PCGF5: variants seen among roughly 807,000 people sequenced by gnomAD.
PCGF5 encodes polycomb group RING finger protein 5.
In PCGF5, 9 loss-of-function variants were observed where a neutral mutation model predicts 44.3. That is an observed-to-expected ratio of 0.20 (90% CI 0.12 to 0.35). PCGF5 has a LOEUF of 0.35. PCGF5 is among the 10% of genes least tolerant of loss of function. The pLI is 1.00. For synonymous variants in PCGF5, 95 were observed against 102.5 expected (o/e 0.93, Z 0.44); for missense variants, 146 against 305.3 (o/e 0.48, Z 3.89).
At chr10:91,207,777 A>C (rs1013648456) in intron 1 of PCGF5, among the ~76,000 whole-genome samples, 1 of 152,158 alleles carries the variant, frequency 6.6e-6, no homozygotes, top group Non-Finnish European at 1.5e-5. Flanking sequence ...CTCAATGTGG[A>C]CTTATTTTAT....
At chr10:91,175,674 C>T (rs1463401950) in intron 1 of PCGF5, among the ~76,000 whole-genome samples, 1 of 152,154 alleles carries the variant, frequency 6.6e-6, no homozygotes, top group Non-Finnish European at 1.5e-5. Flanking sequence ...ATAAAAAAAT[C>T]ACAGAAAGCA....
chr10:91,213,348 A>G (rs1272659820), intron 1 of PCGF5, among the ~76,000 whole-genome samples: 1 of 152,234 alleles, frequency 6.6e-6, no homozygotes, highest in African/African-American at 2.4e-5. Flanking sequence ...ATGTATTTGT[A>G]TATACGTATG....
At chr10:91,275,688 C>T (rs1181928947) in intron 9 of PCGF5, among the ~76,000 whole-genome samples, 9 of 150,014 alleles carry the variant, frequency 6.0e-5, no homozygotes, top group Non-Finnish European at 5.9e-5. Context: ...CTCTTGACCT[C>T]GTGATCTGCC....
intron 9 of PCGF5, among the ~76,000 whole-genome samples, chr10:91,272,274 T>C (rs1317017187): frequency 1.3e-5 from 2 of 152,216 alleles, no homozygotes; most frequent in East Asian, 3.8e-4. Flanking sequence ...AAGGGTATAG[T>C]AAAGATTATT....
intron 2 of PCGF5, among the ~76,000 whole-genome samples, chr10:91,234,959 C>G (rs1307713511): frequency 6.6e-6 from 1 of 152,096 alleles, no homozygotes; most frequent in Non-Finnish European, 1.5e-5. Context: ...ATCACAAATT[C>G]TTTAATTATT....
intron 1 of PCGF5, among the ~76,000 whole-genome samples, chr10:91,176,509 C>T (rs1843710427): frequency 6.6e-6 from 1 of 152,182 alleles, no homozygotes; most frequent in Admixed American, 6.5e-5. Context: ...AGAGTGTTTT[C>T]CAACTTGGTT....
intron 3 of PCGF5, among the ~76,000 whole-genome samples, chr10:91,244,198 T>C (rs1845402537): frequency 6.6e-6 from 1 of 151,858 alleles, no homozygotes; most frequent in Non-Finnish European, 1.5e-5. Flanking sequence ...TGGGGGCAGA[T>C]TGCAATTTTA....
intron 1 of PCGF5, among the ~76,000 whole-genome samples, chr10:91,196,046 C>G (rs566027649): frequency 1.3e-5 from 2 of 151,294 alleles, no homozygotes; most frequent in South Asian, 4.2e-4. Context: ...TCTCGCATCC[C>G]CTACTGGTCA....
chr10:91,217,343 C>G (rs1344382322), upstream of PCGF5, among the ~76,000 whole-genome samples: 1 of 152,188 alleles, frequency 6.6e-6, no homozygotes, highest in African/African-American at 2.4e-5. Flanking sequence ...AAAAATTCAC[C>G]TTATTTAATA....
At chr10:91,215,396 A>T (rs1844522682), upstream of PCGF5, among the ~76,000 whole-genome samples, 1 of 152,242 alleles carries the variant, frequency 6.6e-6, no homozygotes, top group Non-Finnish European at 1.5e-5. Context: ...TATAATAGTC[A>T]TCCAAAAAGC....
intron 5 of PCGF5, among the ~76,000 whole-genome samples, chr10:91,249,153 A>G (rs1330218776): frequency 1.3e-5 from 2 of 151,912 alleles, no homozygotes; most frequent in East Asian, 1.9e-4. Flanking sequence ...AGATTTTACT[A>G]TGCTCTGATA....
upstream of PCGF5, chr10:91,162,927 G>T (rs1163535661): frequency 6.9e-6 from 1 of 144,894 alleles, no homozygotes; most frequent in Non-Finnish European, 1.5e-5. Context: ...CCCGCCCGCC[G>T]GGCCGGCCCA....
intron 1 of PCGF5, among the ~76,000 whole-genome samples, chr10:91,186,244 ACT>A (rs1281472425): frequency 6.6e-6 from 1 of 152,070 alleles, no homozygotes; most frequent in East Asian, 1.9e-4. Flanking sequence ...TTTTGCCCCG[ACT>A]CTCACAGCTG....
chr10:91,217,886 A>G (rs1200391185), upstream of PCGF5, among the ~76,000 whole-genome samples: 1 of 152,150 alleles, frequency 6.6e-6, no homozygotes, highest in Non-Finnish European at 1.5e-5. Flanking sequence ...TCCCAAGTTC[A>G]AGTGATTCTC....
At chr10:91,278,180 T>C (rs1476334608) in intron 9 of PCGF5, 89 bp from the exon 10 acceptor site, 3 of 1,117,322 alleles carry the variant, frequency 2.7e-6, no homozygotes, top group Non-Finnish European at 4.0e-6. Context: ...CTGTAAATTA[T>C]AACTCCGAAT....
chr10:91,271,321 C>T (rs1273329362), intron 8 of PCGF5, among the ~76,000 whole-genome samples: 3 of 151,836 alleles, frequency 2.0e-5, no homozygotes, highest in East Asian at 3.9e-4. Flanking sequence ...GGATGTCCCT[C>T]GTGTATGCAA....
At position 91,270,274 on chromosome 10, in the gene PCGF5, C is replaced by T. The variant is rs553757377; in HGVS notation, c.664-1364C>T. 2.6e-5 allele frequency among the ~76,000 whole-genome samples: 4 copies of T among 152,154 alleles called. No homozygotes were observed. In the South Asian group the frequency reaches 8.3e-4, roughly 32 times the overall value. On this transcript the variant is annotated intron_variant, in intron 8 of 9. Transcript: ENST00000336126. The stretch of plus-strand genomic sequence containing the variant: ...CCAGCAACCTCTGCCAGTCCAGCAC[C>T]TAAAGTTACTACACCATGCTTGTCT...
rs75317642 is a variant in PCGF5 at position 91,193,468 on chromosome 10, G to A, written c.-183-29221G>A. On this transcript the variant is annotated intron_variant, in intron 1 of 9. Coordinates refer to the PCGF5 transcript ENST00000614189. Reference sequence around the variant, plus strand: ...GGGGTGGGACATTAAGCTGATAGTGGAGTAAGAATGTGTTCTAGACAGAGA... The same window carrying A: ...GGGGTGGGACATTAAGCTGATAGTGAAGTAAGAATGTGTTCTAGACAGAGA... Among the ~76,000 whole-genome samples the A allele has an allele frequency of 6.5e-3, 992 of 152,152 alleles. 8 individuals are homozygous for A. The highest frequency in any genetic ancestry group is 0.023 in the African/African-American group (952 of 41,500).
At chr10:91,256,437 G>A (rs927072995) in intron 6 of PCGF5, among the ~76,000 whole-genome samples, 1 of 151,980 alleles carries the variant, frequency 6.6e-6, no homozygotes, top group South Asian at 2.1e-4. Context: ...CAGGTCCTCA[G>A]AGAGCTGTAG....
Sources: allele counts gnomAD v4.1 joint callset (sites outside exome capture counted in the v4.1 genomes callset), GRCh38; gene constraint gnomAD v4.1.1; transcripts MANE v1.5; gene names NCBI Gene and HGNC (gene_info 2026-07-23, HGNC 2026-07-21).